The following FUT8 variants were observed in gnomAD, a reference collection of about 807,000 sequenced individuals.
The protein encoded by FUT8 is alpha-(1,6)-fucosyltransferase.
FUT8 carries 29 observed loss-of-function variants against 71.3 expected under a neutral mutation model. The observed-to-expected ratio is 0.41, with a 90% CI of 0.30 to 0.55. FUT8 has a LOEUF of 0.55. Ranked by LOEUF, FUT8 falls within the 20% of genes least tolerant of loss-of-function variation. The pLI is 0.34. For missense variants in FUT8, 544 were observed against 702.1 expected, an observed-to-expected ratio of 0.77 and a Z score of 2.55; for synonymous variants, 254 against 239.3, an observed-to-expected ratio of 1.06 and a Z score of -0.57.
At chr14:65,511,591 TTA>T (rs1882351294) in intron 2 of FUT8, among the ~76,000 whole-genome samples, 1 of 152,178 alleles carries the variant, frequency 6.6e-6, no homozygotes, top group South Asian at 2.1e-4. Context: ...TGCATATATA[TTA>T]AAGTACTTTT....
At chr14:65,358,128 A>G in the FUT8 span, among the ~76,000 whole-genome samples, 343 of 152,340 alleles carry the variant, frequency 2.3e-3, 1 homozygote, top group Non-Finnish European at 3.4e-3. Flanking sequence ...ATTACATGGT[A>G]GGGTGACTGT....
chr14:65,493,801 T>C (rs553786916), intron 2 of FUT8, among the ~76,000 whole-genome samples: 5 of 151,130 alleles, frequency 3.3e-5, no homozygotes, highest in African/African-American at 1.2e-4. Flanking sequence ...ATTTTCTCCT[T>C]TTTTTTTTCT....
intron 5 of FUT8, among the ~76,000 whole-genome samples, chr14:65,619,782 A>G (rs1296892728): frequency 6.6e-6 from 1 of 152,202 alleles, no homozygotes. Flanking sequence ...ATTGCATATG[A>G]CCATTCTTCC....
At chr14:65,561,116 G>C (rs189401360) in intron 2 of FUT8, among the ~76,000 whole-genome samples, 385 of 152,274 alleles carry the variant, frequency 2.5e-3, no homozygotes, top group Admixed American at 3.8e-3. Flanking sequence ...TTCAGGCTTA[G>C]AGCTAATTAG....
chr14:65,633,534 G>A (rs1890335426), intron 6 of FUT8, among the ~76,000 whole-genome samples: 1 of 150,358 alleles, frequency 6.7e-6, no homozygotes. Context: ...TAGGAAGTGA[G>A]GAGCGCCTCT....
chr14:65,609,947 CTTAA>C lies in FUT8; in HGVS notation c.204-6028_204-6025del, dbSNP rs755659167. Among the ~76,000 whole-genome samples the C allele has an allele frequency of 4.9e-4, 75 of 151,584 alleles. 3 individuals are homozygous for C. Among genetic ancestry groups the C allele is most frequent in the Non-Finnish European group, 5.2e-4 (35 of 67,866 alleles). On this transcript the variant is annotated intron_variant, in intron 3 of 10. Coordinates refer to ENST00000673929, the MANE Select transcript of FUT8 (RefSeq NM_001371533.1). ...GTGCCCATCTTTTGCCAGATTGATA[CTTAA>C]TTTTTTTCATTTTTTTTTGCTATTG...
chr14:65,648,846 A>G (rs1164397727), intron 6 of FUT8, among the ~76,000 whole-genome samples: 1 of 152,212 alleles, frequency 6.6e-6, no homozygotes, highest in Non-Finnish European at 1.5e-5. Flanking sequence ...CTGATGGTAT[A>G]TTGGAGCTAT....
In FUT8 at chr14:65,667,250, A is replaced by G. The variant is rs185528589; in HGVS notation, c.598-1993A>G. Among the ~76,000 whole-genome samples the G allele has an allele frequency of 2.4e-4, 37 of 152,286 alleles. 3 individuals are homozygous for G. Among genetic ancestry groups the G allele is most frequent in the Admixed American group, 2.2e-3 (34 of 15,280 alleles). ...GTCAAACTACCTCTCTTTGCAGGCA[A>G]TATGATCCTAAACCTAGAAAATCCC... is the stretch of plus-strand genomic sequence containing the variant. On this transcript the variant is annotated intron_variant, in intron 6 of 10. Coordinates refer to ENST00000673929, the MANE Select transcript of FUT8 (RefSeq NM_001371533.1).
chr14:65,605,298 A>G (rs1268099710), intron 3 of FUT8, among the ~76,000 whole-genome samples: 1 of 151,918 alleles, frequency 6.6e-6, no homozygotes, highest in Non-Finnish European at 1.5e-5. Flanking sequence ...TTTAATGTAT[A>G]TGGGCTACCT....
At chr14:65,519,065 A>T (rs747036894) in intron 2 of FUT8, among the ~76,000 whole-genome samples, 2 of 152,252 alleles carry the variant, frequency 1.3e-5, no homozygotes, top group Non-Finnish European at 2.9e-5. Flanking sequence ...TAGGGAATTT[A>T]GGTTGTCTAG....
At chr14:65,495,804 G>T (rs1442009884) in intron 2 of FUT8, among the ~76,000 whole-genome samples, 1 of 151,990 alleles carries the variant, frequency 6.6e-6, no homozygotes, top group Non-Finnish European at 1.5e-5. Flanking sequence ...ATGTAGTCTT[G>T]GTTCAAGTAG....
At chr14:65,625,273 G>T (rs975796678) in intron 5 of FUT8, among the ~76,000 whole-genome samples, 2 of 151,984 alleles carry the variant, frequency 1.3e-5, no homozygotes, top group South Asian at 2.1e-4. Context: ...TGAAGTTTTA[G>T]CCGAGCCCTA....
At chr14:65,619,077 C>A (rs1302262432) in intron 5 of FUT8, among the ~76,000 whole-genome samples, 1 of 152,068 alleles carries the variant, frequency 6.6e-6, no homozygotes, top group Non-Finnish European at 1.5e-5. Flanking sequence ...TGTGTCACTA[C>A]CTAGTTGGTG....
intron 2 of FUT8, among the ~76,000 whole-genome samples, chr14:65,533,089 A>G (rs1884065865): frequency 6.6e-6 from 1 of 152,162 alleles, no homozygotes; most frequent in South Asian, 2.1e-4. Flanking sequence ...GGGTAGCATG[A>G]TGCCTCCTGC....
intron 2 of FUT8, among the ~76,000 whole-genome samples, chr14:65,533,533 A>G (rs980317079): frequency 6.6e-6 from 1 of 152,146 alleles, no homozygotes; most frequent in East Asian, 1.9e-4. Flanking sequence ...TAAGTTGTTC[A>G]TTAGCTTATG....
chr14:65,736,945 C>A (rs777621185), intron 10 of FUT8, among the ~76,000 whole-genome samples: 4 of 151,940 alleles, frequency 2.6e-5, no homozygotes, highest in Non-Finnish European at 5.9e-5. Flanking sequence ...AATTTTATAC[C>A]ATATAACAAT....
chr14:65,503,051 T>C (rs1255151960), intron 2 of FUT8, among the ~76,000 whole-genome samples: 1 of 152,206 alleles, frequency 6.6e-6, no homozygotes, highest in East Asian at 1.9e-4. Flanking sequence ...GAGTTTCTAT[T>C]GTAAGCCTGC....
intron 2 of FUT8, among the ~76,000 whole-genome samples, chr14:65,527,098 G>C (rs1255129989): frequency 2.0e-5 from 3 of 152,116 alleles, no homozygotes; most frequent in African/African-American, 7.2e-5. Context: ...TCCTGAATTT[G>C]AATGTTGGCC....
intron 2 of FUT8, among the ~76,000 whole-genome samples, chr14:65,526,199 G>A (rs1346995411): frequency 2.0e-5 from 3 of 152,008 alleles, no homozygotes; most frequent in Non-Finnish European, 4.4e-5. Flanking sequence ...GAGAGTCTAA[G>A]TCTCTTTGTA....
Sources: gnomAD v4.1 joint callset for allele counts (sites outside exome capture counted in the v4.1 genomes callset) on GRCh38, gnomAD v4.1.1 for gene constraint, MANE v1.5 for transcripts, NCBI Gene and HGNC (gene_info 2026-07-23, HGNC 2026-07-21) for gene names.